The following IQCK variants were observed in gnomAD, a reference collection of about 807,000 sequenced individuals.
IQCK encodes IQ motif containing K, also known as IQ domain-containing protein K.
In IQCK, 29 loss-of-function variants were observed where a neutral mutation model predicts 28.1. The ratio of observed to expected loss-of-function variants is 1.03; its 90% CI spans 0.77 to 1.41. The LOEUF is 1.41. IQCK is among the 40% of genes most tolerant of loss of function. IQCK has a pLI of 0.00. For synonymous variants in IQCK, 113 were observed against 115.1 expected, an observed-to-expected ratio of 0.98 and a Z score of 0.12; for missense variants, 359 against 314.7, an observed-to-expected ratio of 1.14 and a Z score of -1.07.
At chr16:19,830,461 G>A (rs902118944), downstream of IQCK, among the ~76,000 whole-genome samples, 1 of 152,138 alleles carries the variant, frequency 6.6e-6, no homozygotes, top group African/African-American at 2.4e-5. Flanking sequence ...CTGGCTTCCC[G>A]TGCCACCTTC....
chr16:19,816,966 G>C (rs1366846479), intron 7 of IQCK, among the ~76,000 whole-genome samples: 1 of 152,112 alleles, frequency 6.6e-6, no homozygotes, highest in African/African-American at 2.4e-5. Context: ...ACCTGCCCAA[G>C]GCTCCTTAGT....
chr16:19,812,754 TATAAA>T (rs1436196375), intron 7 of IQCK, among the ~76,000 whole-genome samples: 1 of 152,102 alleles, frequency 6.6e-6, no homozygotes, highest in African/African-American at 2.4e-5. Context: ...AATTTGAGAC[TATAAA>T]ATAAGTATAA....
chr16:19,828,007 G>A (rs766904291), downstream of IQCK, among the ~76,000 whole-genome samples: 5 of 151,950 alleles, frequency 3.3e-5, no homozygotes, highest in Non-Finnish European at 7.4e-5. Flanking sequence ...CCGCCTTCTG[G>A]GTTCAAGTGA....
In IQCK at chr16:19,730,519, G is replaced by A. The variant is rs114376582; in HGVS notation, c.246+25G>A. 1.1e-3 allele frequency: 1,647 copies of A among 1,525,034 alleles called. 15 individuals are homozygous for A. The African/African-American group carries it at 0.02, about 19-fold the overall frequency. The allele number at this position is 1,525,034 out of a possible 1,614,324, so 94.5% of individuals were successfully genotyped here. ...GGTGAGTATTACCTAGGCCTCAACC[G>A]AAGCAAGAAGCTCTTAAATGAGAAT... On this transcript the variant is annotated intron_variant, in intron 2 of 7. Coordinates refer to ENST00000564186, the Ensembl canonical transcript of IQCK.
At chr16:19,820,648 CAAAAA>C (rs35161795) in intron 7 of IQCK, among the ~76,000 whole-genome samples, 1 of 109,086 alleles carries the variant, frequency 9.2e-6, no homozygotes, top group African/African-American at 3.2e-5. Flanking sequence ...AACTCTGTAT[CAAAAA>C]AAAAAAAAAA....
chr16:19,724,203 G>A (rs1320735508), intron 1 of IQCK, among the ~76,000 whole-genome samples: 1 of 152,028 alleles, frequency 6.6e-6, no homozygotes, highest in Non-Finnish European at 1.5e-5. Flanking sequence ...TCTAGACTCA[G>A]TCCACGTGGC....
intron 9 of IQCK, among the ~76,000 whole-genome samples, chr16:19,843,152 A>G (rs1370993635): frequency 6.6e-6 from 1 of 152,242 alleles, no homozygotes; most frequent in South Asian, 2.1e-4. Context: ...CTCACCGCCT[A>G]GAGATGACCA....
At chr16:19,824,122 A>G (rs2056111988) in intron 7 of IQCK, among the ~76,000 whole-genome samples, 1 of 152,064 alleles carries the variant, frequency 6.6e-6, no homozygotes, top group African/African-American at 2.4e-5. Flanking sequence ...TTATTATTAC[A>G]TTGTAATATG....
rs2055995971 is a variant in IQCK at position 19,816,905 on chromosome 16, T to C, written c.691-10121T>C. Among the ~76,000 whole-genome samples, 3 of 152,240 alleles carry C rather than the reference T, an allele frequency of 2.0e-5. No individual in the cohort carries two copies. In the South Asian group the frequency reaches 6.2e-4, roughly 31 times the overall value. On this transcript the variant is annotated intron_variant, in intron 7 of 7. Transcript: ENST00000564186. Reference sequence around the variant, plus strand: ...CACCAACCCAATGAAAAAATATTTTTATTTTCCCCATTTTACAGATGAGAA... The same window carrying C: ...CACCAACCCAATGAAAAAATATTTTCATTTTCCCCATTTTACAGATGAGAA...
chr16:19,773,558 C>G (rs1415677375), intron 6 of IQCK, among the ~76,000 whole-genome samples: 1 of 152,172 alleles, frequency 6.6e-6, no homozygotes, highest in Non-Finnish European at 1.5e-5. Context: ...ATAGTTAAGT[C>G]TTTTAGGCTT....
At chr16:19,732,265 T>G (rs982660362) in intron 2 of IQCK, among the ~76,000 whole-genome samples, 4 of 152,220 alleles carry the variant, frequency 2.6e-5, no homozygotes, top group African/African-American at 9.6e-5. Context: ...AAGTTGACAC[T>G]GAAAATTAAC....
intron 7 of IQCK, among the ~76,000 whole-genome samples, chr16:19,807,828 C>T (rs1192176929): frequency 6.6e-6 from 1 of 152,158 alleles, no homozygotes; most frequent in African/African-American, 2.4e-5. Flanking sequence ...GTGCAGGTTG[C>T]ACAGTGCTTG....
intron 7 of IQCK, among the ~76,000 whole-genome samples, chr16:19,811,503 G>C (rs773343007): frequency 6.6e-6 from 1 of 152,106 alleles, no homozygotes; most frequent in Non-Finnish European, 1.5e-5. Flanking sequence ...TCTGTACTGC[G>C]ATATAGTCTT....
intron 4 of IQCK, among the ~76,000 whole-genome samples, chr16:19,742,018 A>G (rs1340826956): frequency 6.6e-6 from 1 of 152,158 alleles, no homozygotes; most frequent in African/African-American, 2.4e-5. Flanking sequence ...AAACTTGTTC[A>G]CTTATAAGAG....
chr16:19,763,921 T>C lies in IQCK; in HGVS notation c.527+21T>C, dbSNP rs140265311. The C allele has an allele frequency of 1.1e-3, 1,765 of 1,608,694 alleles. 16 individuals are homozygous for C. The African/African-American group carries it at 0.02, about 18-fold the overall frequency. On this transcript the variant is annotated intron_variant, in intron 5 of 7. Coordinates refer to ENST00000564186, the Ensembl canonical transcript of IQCK. The stretch of plus-strand genomic sequence containing the variant: ...TACAAGTAAGTTGTTCGTGTCTGAC[T>C]ATTCAGTGATCCTAAGAATTCAGTC...
At chr16:19,806,502 A>T (rs1423837095) in intron 7 of IQCK, among the ~76,000 whole-genome samples, 1 of 150,820 alleles carries the variant, frequency 6.6e-6, no homozygotes, top group Non-Finnish European at 1.5e-5. Context: ...CCTGGGCAAC[A>T]TGGTGAAATG....
At chr16:19,755,728 C>T (rs912356593) in intron 4 of IQCK, among the ~76,000 whole-genome samples, 1 of 152,202 alleles carries the variant, frequency 6.6e-6, no homozygotes, top group Admixed American at 6.5e-5. Flanking sequence ...ATTTTCCCCA[C>T]CATTTCTTTT....
downstream of IQCK, among the ~76,000 whole-genome samples, chr16:19,832,120 A>C (rs1567197540): frequency 6.6e-6 from 1 of 151,956 alleles, no homozygotes; most frequent in Non-Finnish European, 1.5e-5. Flanking sequence ...ATTGTTTTCA[A>C]ATGTGCTTTG....
At chr16:19,722,406 C>T (rs1977523149) in intron 1 of IQCK, among the ~76,000 whole-genome samples, 1 of 152,186 alleles carries the variant, frequency 6.6e-6, no homozygotes, top group African/African-American at 2.4e-5. Context: ...AACTTCTCTA[C>T]TAGCTTTTTC....
Sources: gnomAD v4.1 joint callset for allele counts (sites outside exome capture counted in the v4.1 genomes callset) on GRCh38, gnomAD v4.1.1 for gene constraint, MANE v1.5 for transcripts, NCBI Gene and HGNC (gene_info 2026-07-23, HGNC 2026-07-21) for gene names.